SLC6A18: variants seen among roughly 807,000 people sequenced by gnomAD.
SLC6A18 encodes solute carrier family 6 member 18.
A neutral mutation model predicts 62.9 loss-of-function variants in SLC6A18; 58 were observed. The ratio of observed to expected loss-of-function variants is 0.92; its 90% CI spans 0.75 to 1.15. The LOEUF (loss-of-function observed/expected upper bound fraction) is 1.15. Ranked by LOEUF, SLC6A18 falls within the 50% of genes most tolerant of loss-of-function variation. The pLI, the probability that SLC6A18 is intolerant of heterozygous loss-of-function variation, is 0.00. For missense variants in SLC6A18, 793 were observed against 836.6 expected (o/e 0.95, Z 0.64); for synonymous variants, 382 against 365.8 (o/e 1.04, Z -0.51).
intron 3 of SLC6A18, among the ~76,000 whole-genome samples, chr5:1,233,306 C>T (rs1746785360): frequency 6.6e-6 from 1 of 152,136 alleles, no homozygotes; most frequent in African/African-American, 2.4e-5. Flanking sequence ...GGTGAAACCC[C>T]ATCTCTACTC....
In SLC6A18 at chr5:1,239,477, T is replaced by G. The variant is rs1746994748; in HGVS notation, c.760T>G (p.Trp254Gly). The G allele has an allele frequency of 1.2e-6, 2 of 1,614,048 alleles. No individual in the cohort carries two copies. The highest frequency in any genetic ancestry group is 1.7e-5 in the Admixed American group (1 of 60,000). The change falls in exon 6 of 12, where the codon TGG becomes GGG. Residue 254 changes from tryptophan (W) to glycine (G), a missense_variant. Physicochemically the swap from Trp to Gly is radical, Grantham distance 184 (BLOSUM62 -2). Coordinates refer to ENST00000324642, the MANE Select transcript of SLC6A18 (RefSeq NM_182632.3). ...NMHILQNPRV[W>G]LDAATQIFFS... ...GCACATTCTCCAGAACCCCCGGGTG[T>G]GGCTGGACGCAGCCACCCAGATATT...
chr5:1,226,819 A>G (rs1286630346), intron 1 of SLC6A18, among the ~76,000 whole-genome samples: 2 of 152,170 alleles, frequency 1.3e-5, no homozygotes, highest in Non-Finnish European at 2.9e-5. Context: ...CGATCTGCTA[A>G]GAGTCACCAG....
Position 1,232,205 on chromosome 5 carries a change from C to G in SLC6A18, c.161-14C>G. 6.2e-7 allele frequency: 1 copy of G among 1,607,334 alleles called. No individual in the cohort carries two copies. Among genetic ancestry groups the G allele is most frequent in the Non-Finnish European group, 8.5e-7 (1 of 1,176,902 alleles). ...CCCGACCCTGGGCAGGTGCTGACCACCCCCTCCTCACAGGGGCCTTCCTCA... is the reference window on the plus strand; with the variant it reads ...CCCGACCCTGGGCAGGTGCTGACCAGCCCCTCCTCACAGGGGCCTTCCTCA... On this transcript the variant is annotated splice_polypyrimidine_tract_variant and intron_variant, in intron 1 of 11. Transcript: ENST00000324642.
chr5:1,232,474 C>A, intron 2 of SLC6A18, 115 bp downstream of exon 2: 1 of 1,400,600 alleles, frequency 7.1e-7, no homozygotes, highest in Non-Finnish European at 9.6e-7. Flanking sequence ...CCAGGCCAGG[C>A]CGGCGGGTGG....
At position 1,241,644 on chromosome 5, in the gene SLC6A18, A is replaced by G. The variant is rs1445287403; in HGVS notation, c.974+985A>G. Among the ~76,000 whole-genome samples, 3 of 152,198 alleles carry G rather than the reference A, an allele frequency of 2.0e-5. No homozygotes were observed. Among genetic ancestry groups the G allele is most frequent in the Non-Finnish European group, 4.4e-5 (3 of 68,034 alleles). On this transcript the variant is annotated intron_variant, in intron 7 of 11. Transcript: ENST00000324642. The surrounding 1 kb of genome is among the most constrained non-coding windows in gnomAD (Gnocchi z 7.8). The stretch of plus-strand genomic sequence containing the variant: ...CACAGAAGGGACAGTGTTTTACAGG[A>G]TGAGCCGGGTCAGGGAGGACGGTGA...
intron 3 of SLC6A18, 53 bp downstream of exon 3, chr5:1,232,941 G>A: frequency 6.4e-7 from 1 of 1,551,670 alleles, no homozygotes; most frequent in Non-Finnish European, 8.7e-7. Context: ...AGAGAGGCAT[G>A]TGCTGCAGCG....
intron 4 of SLC6A18, 110 bp from the exon 5 acceptor site, chr5:1,237,840 G>A (rs1471459966): frequency 2.5e-6 from 2 of 806,376 alleles, no homozygotes; most frequent in East Asian, 2.5e-5. Flanking sequence ...CCATACCAGA[G>A]GCAGCCACTC....
At chr5:1,227,040 G>GACGCGCCCA (rs1579523477) in intron 1 of SLC6A18, among the ~76,000 whole-genome samples, 11 of 115,696 alleles carry the variant, frequency 9.5e-5, no homozygotes, top group Non-Finnish European at 1.5e-4. Flanking sequence ...CTTGCCCGCC[G>GACGCGCCCA]ACGCCTTGCC....
At chr5:1,242,933 TC>T in intron 8 of SLC6A18, 70 bp downstream of exon 8, 1 of 1,475,484 alleles carries the variant, frequency 6.8e-7, no homozygotes, top group Non-Finnish European at 9.1e-7. Context: ...ACTGGCTGTG[TC>T]CCACTGCCAA....
At chr5:1,244,807 C>T (rs746540804) in intron 11 of SLC6A18, 40 bp downstream of exon 11, 4 of 1,567,334 alleles carry the variant, frequency 2.6e-6, no homozygotes, top group African/African-American at 2.7e-5. Context: ...TCCTGGGACC[C>T]CTCGGGCTTG....
At chr5:1,235,324 GT>G (rs1191305014) in intron 3 of SLC6A18, among the ~76,000 whole-genome samples, 156 bp from the exon 4 acceptor site, 2 of 152,192 alleles carry the variant, frequency 1.3e-5, no homozygotes, top group Admixed American at 1.3e-4. Context: ...AGCCACGTCT[GT>G]TTCTCCATCT....
intron 4 of SLC6A18, among the ~76,000 whole-genome samples, chr5:1,237,597 G>C (rs939423341): frequency 2.2e-4 from 34 of 152,160 alleles, no homozygotes; most frequent in Admixed American, 2.2e-3. Context: ...GTGGAGGTGG[G>C]TGGCTTGGGA....
chr5:1,232,560 C>T (rs1746760787), intron 2 of SLC6A18, among the ~76,000 whole-genome samples, 191 bp from the exon 3 acceptor site: 1 of 152,196 alleles, frequency 6.6e-6, no homozygotes. Flanking sequence ...AACATGTGTG[C>T]CAGGACATCC....
At chr5:1,226,153 G>A (rs892040333) in intron 1 of SLC6A18, among the ~76,000 whole-genome samples, 2 of 152,178 alleles carry the variant, frequency 1.3e-5, no homozygotes, top group Admixed American at 6.5e-5. Flanking sequence ...CCCTGTGGGG[G>A]GTGCCAGGAT....
At chr5:1,229,175 C>T (rs1021864126) in intron 1 of SLC6A18, among the ~76,000 whole-genome samples, 4 of 152,118 alleles carry the variant, frequency 2.6e-5, no homozygotes, top group Non-Finnish European at 4.4e-5. Context: ...ACAGAGTCGA[C>T]GTTCCTGTTT....
chr5:1,232,435 G>A, intron 2 of SLC6A18, 76 bp downstream of exon 2: 2 of 1,530,204 alleles, frequency 1.3e-6, no homozygotes, highest in Non-Finnish European at 1.8e-6. Context: ...TGGGGCGGGG[G>A]CGGGTCCATG....
intron 3 of SLC6A18, among the ~76,000 whole-genome samples, chr5:1,233,759 T>TTTTTTTTTTTTTTTG (rs1561176464): frequency 6.6e-6 from 1 of 151,298 alleles, no homozygotes. Flanking sequence ...ATTTTTTTTT[T>TTTTTTTTTTTTTTTG]GAGACGGAGT....
At chr5:1,233,908 A>AT (rs780882815) in intron 3 of SLC6A18, among the ~76,000 whole-genome samples, 4 of 151,992 alleles carry the variant, frequency 2.6e-5, no homozygotes, top group East Asian at 3.9e-4. Flanking sequence ...GGCCTGGCTA[A>AT]TTTTTTGTAT....
chr5:1,243,464 C>A lies in SLC6A18; in HGVS notation c.1132-91C>A. ...GGGTGATGTGCACTCGTGTCCTCGG[C>A]CTGGGAGAGTGTGTGTCCTGCAGGC... On this transcript the variant is annotated intron_variant, in intron 8 of 11. Coordinates refer to ENST00000324642, the MANE Select transcript of SLC6A18 (RefSeq NM_182632.3). The surrounding 1 kb of genome is among the most constrained non-coding windows in gnomAD (Gnocchi z 6.5). 6.9e-7 allele frequency: 1 copy of A among 1,445,082 alleles called. No homozygotes were observed. The highest frequency in any genetic ancestry group is 1.4e-5 in the African/African-American group (1 of 72,194). 89.5% of individuals were successfully genotyped at this position (1,445,082 alleles called of 1,614,324 possible).
Sources: allele counts gnomAD v4.1 joint callset (sites outside exome capture counted in the v4.1 genomes callset), GRCh38; gene constraint gnomAD v4.1.1; non-coding constraint Gnocchi (gnomAD v3.1); transcripts MANE v1.5; gene names NCBI Gene and HGNC (gene_info 2026-07-23, HGNC 2026-07-21).